OSBPL1A: variants seen among roughly 807,000 people sequenced by gnomAD.
The protein encoded by OSBPL1A is oxysterol binding protein like 1A.
A neutral mutation model predicts 137.1 loss-of-function variants in OSBPL1A; 80 were observed. The ratio of observed to expected loss-of-function variants is 0.58; its 90% CI spans 0.49 to 0.70. The LOEUF (loss-of-function observed/expected upper bound fraction) is 0.70. Ranked by LOEUF, OSBPL1A falls within the 30% of genes least tolerant of loss-of-function variation. The pLI is 0.00. For missense variants in OSBPL1A, 970 were observed against 1,129.4 expected, an observed-to-expected ratio of 0.86 and a Z score of 2.02; for synonymous variants, 365 against 389.7, an observed-to-expected ratio of 0.94 and a Z score of 0.75.
intron 16 of OSBPL1A, among the ~76,000 whole-genome samples, chr18:24,237,315 T>C (rs2088515971): frequency 6.6e-6 from 1 of 152,180 alleles, no homozygotes; most frequent in African/African-American, 2.4e-5. Flanking sequence ...AGGTTTTTTT[T>C]TGTTTGAGAC....
At chr18:24,325,761 G>T (rs117028332) in intron 7 of OSBPL1A, among the ~76,000 whole-genome samples, 1 of 152,192 alleles carries the variant, frequency 6.6e-6, no homozygotes, top group Non-Finnish European at 1.5e-5. Flanking sequence ...CAGTGGAGGC[G>T]CAGCATTGCT....
At chr18:24,394,541 T>C (rs1023908942) in intron 1 of OSBPL1A, among the ~76,000 whole-genome samples, 4 of 152,190 alleles carry the variant, frequency 2.6e-5, no homozygotes, top group African/African-American at 9.6e-5. Context: ...ACCCTACAAA[T>C]TTAACAAATC....
At chr18:24,299,838 C>T (rs138670965) in intron 14 of OSBPL1A, among the ~76,000 whole-genome samples, 59 of 152,252 alleles carry the variant, frequency 3.9e-4, no homozygotes, top group South Asian at 3.5e-3. Context: ...ATATCTTTTT[C>T]GGCAATTTAA....
rs565493586 is a variant in OSBPL1A, at chr18:24,202,396, T to C, written c.1602-6196A>G. Among the ~76,000 whole-genome samples the C allele has an allele frequency of 3.3e-5, 5 of 152,366 alleles. No homozygotes were observed. The East Asian group carries it at 9.6e-4, about 29-fold the overall frequency. ...TTGTTATTTTTATAAAGTACAAACA[T>C]ACTAAGATAAAAACACTCATTGTCA... On this transcript the variant is annotated intron_variant, in intron 17 of 27. Coordinates refer to ENST00000319481, the MANE Select transcript of OSBPL1A (RefSeq NM_080597.4).
Position 24,271,197 on chromosome 18 carries a change from G to A in OSBPL1A, c.1281+9645C>T, listed in dbSNP as rs1217837818. ...GGAATTTCAGCGGCCTCTGAAGAGC[G>A]GATGGTAAGTTCATCTCAATGTCAG... On this transcript the variant is annotated intron_variant, in intron 15 of 27. Coordinates refer to ENST00000319481, the MANE Select transcript of OSBPL1A (RefSeq NM_080597.4). This position sits in a 1 kb window ranked among gnomAD's most constrained non-coding sequence, Gnocchi z 4.0. 6.6e-6 allele frequency among the ~76,000 whole-genome samples: 1 copy of A among 152,186 alleles called. No individual in the cohort carries two copies. The highest frequency in any genetic ancestry group is 6.6e-5 in the Admixed American group (1 of 15,266).
chr18:24,170,368 T>C lies in OSBPL1A; in HGVS notation c.2377A>G (p.Asn793Asp), dbSNP rs1325909992. Residue 793 changes from asparagine (N) to aspartate (D), a missense_variant, in exon 24 of 28, where the codon AAT (asparagine) becomes GAT (aspartate). By Grantham distance (23) the Asn-to-Asp change is conservative (BLOSUM62 1). This residue lies in a region of OSBPL1A where 323 missense variants were observed against 456.8 expected (regional missense o/e 0.71). Coordinates refer to ENST00000319481, the MANE Select transcript of OSBPL1A (RefSeq NM_080597.4). ...DPATFDAYKK[N>D]DKKNTEEKKN... is the part of the protein sequence containing the mutation. ...TTCTCTTCTGTATTTTTCTTATCAT[T>C]TTTTTTGTAAGCGTCAAACGTGGCA... 6.2e-7 allele frequency: 1 copy of C among 1,614,154 alleles called. No homozygotes were observed. The highest frequency in any genetic ancestry group is 8.5e-7 in the Non-Finnish European group (1 of 1,180,014).
Position 24,165,188 on chromosome 18 carries a change from ACT to A in OSBPL1A, c.2660-35_2660-34del, listed in dbSNP as rs774527497. On this transcript the variant is annotated intron_variant, in intron 26 of 27. Coordinates refer to ENST00000319481, the MANE Select transcript of OSBPL1A (RefSeq NM_080597.4). ...AAGAACATCAACACAAACCATTAAC[ACT>A]CTACACAGAGGATGCCAGGCACAGT... is the stretch of plus-strand genomic sequence containing the variant. 11 of 1,586,476 alleles carry A rather than the reference ACT, an allele frequency of 6.9e-6. No individual in the cohort carries two copies. In the South Asian group the frequency reaches 7.7e-5, roughly 11 times the overall value.
intron 5 of OSBPL1A, among the ~76,000 whole-genome samples, chr18:24,340,559 C>G (rs1480062782): frequency 1.3e-5 from 2 of 152,110 alleles, no homozygotes; most frequent in Non-Finnish European, 2.9e-5. Flanking sequence ...AATCCCAGCA[C>G]TTTGGGAGGC....
At chr18:24,386,670 G>T (rs1029068449) in intron 1 of OSBPL1A, among the ~76,000 whole-genome samples, 1 of 152,168 alleles carries the variant, frequency 6.6e-6, no homozygotes, top group African/African-American at 2.4e-5. Flanking sequence ...TAATAAAAAT[G>T]AAGTACAGGC....
rs1236364737 is a variant in OSBPL1A, at chr18:24,293,126, AAAG to A, written c.1174+10508_1174+10510del. 6.1e-3 allele frequency among the ~76,000 whole-genome samples: 354 copies of A among 57,824 alleles called. 4 individuals carry two copies. The highest frequency in any genetic ancestry group is 0.02 in the African/African-American group (242 of 12,108). 37.9% of individuals were successfully genotyped at this position (57,824 alleles called of 152,430 possible). A position where few individuals can be genotyped will look rare whatever the true frequency, so the allele number is the denominator to read the frequency against. ...TCTCAAAAAAAAAAAAAAAAAAAAA[AAAG>A]AAAAGAAAAGAAAAAATTAAAACGT... On this transcript the variant is annotated intron_variant, in intron 14 of 27. Coordinates refer to ENST00000319481, the MANE Select transcript of OSBPL1A (RefSeq NM_080597.4).
chr18:24,384,475 G>A (rs1046267880), intron 1 of OSBPL1A, among the ~76,000 whole-genome samples: 2 of 152,044 alleles, frequency 1.3e-5, no homozygotes, highest in African/African-American at 2.4e-5. Flanking sequence ...TTGGGAGGCT[G>A]AGGCACAAGA....
At chr18:24,220,665 A>G (rs1401323327) in intron 17 of OSBPL1A, among the ~76,000 whole-genome samples, 1 of 152,058 alleles carries the variant, frequency 6.6e-6, no homozygotes, top group Non-Finnish European at 1.5e-5. Context: ...ATTACCCCAA[A>G]TATTTCCTGA....
intron 15 of OSBPL1A, among the ~76,000 whole-genome samples, chr18:24,266,819 A>G (rs1262401062): frequency 6.6e-6 from 1 of 152,218 alleles, no homozygotes; most frequent in East Asian, 1.9e-4. Flanking sequence ...AAAAAATGCT[A>G]GAACTACGAA....
chr18:24,341,649 T>A lies in OSBPL1A; in HGVS notation c.292A>T (p.Met98Leu), dbSNP rs764913545. ...AAFTGRKELV[M>L]LLLEYNADTT... ...TCAGCATTATATTCTAAGAGAAGCA[T>A]TACCAACTCCTAAAAATCAGAGAAT... is the stretch of plus-strand genomic sequence containing the variant. The change falls in exon 5 of 28, where the codon ATG becomes TTG. Residue 98 changes from methionine to leucine, a missense_variant. This residue lies in a region of OSBPL1A where 647 missense variants were observed against 672.6 expected (regional missense o/e 0.96). Coordinates refer to ENST00000319481, the MANE Select transcript of OSBPL1A (RefSeq NM_080597.4). 1 of 1,594,110 alleles carries A rather than the reference T, an allele frequency of 6.3e-7. No homozygotes were observed. Among genetic ancestry groups the A allele is most frequent in the Non-Finnish European group, 8.6e-7 (1 of 1,168,128 alleles).
chr18:24,321,749 C>A (rs1333533923), intron 7 of OSBPL1A: 1 of 484,224 alleles, frequency 2.1e-6, no homozygotes. Context: ...AAAAGAAAAA[C>A]AAATAAATTT....
chr18:24,374,853 G>A (rs539149245), intron 2 of OSBPL1A, among the ~76,000 whole-genome samples: 2 of 152,126 alleles, frequency 1.3e-5, no homozygotes, highest in East Asian at 3.9e-4. Flanking sequence ...AATGCTTAAG[G>A]AGCACCAGGA....
At chr18:24,310,481 A>AG (rs397770446) in intron 13 of OSBPL1A, among the ~76,000 whole-genome samples, 386 of 85,284 alleles carry the variant, frequency 4.5e-3, no homozygotes, top group African/African-American at 0.021. Flanking sequence ...AGGCGCCTGT[A>AG]GTCCCAGCTA....
chr18:24,383,703 G>C (rs986469163), intron 1 of OSBPL1A, among the ~76,000 whole-genome samples: 1 of 152,212 alleles, frequency 6.6e-6, no homozygotes, highest in Non-Finnish European at 1.5e-5. Flanking sequence ...GCAATGAGCT[G>C]AGATCGTGCC....
chr18:24,324,812 G>T (rs1276058107), intron 7 of OSBPL1A, among the ~76,000 whole-genome samples: 2 of 145,950 alleles, frequency 1.4e-5, no homozygotes, highest in East Asian at 4.1e-4. Flanking sequence ...AAGAGGCCAG[G>T]TGCAGTGGCT....
Sources: gnomAD v4.1 joint callset for allele counts (sites outside exome capture counted in the v4.1 genomes callset) on GRCh38, gnomAD v4.1.1 for gene constraint, gnomAD v4.1.1 regional missense constraint, Gnocchi (gnomAD v3.1) non-coding constraint, MANE v1.5 for transcripts, NCBI Gene and HGNC (gene_info 2026-07-23, HGNC 2026-07-21) for gene names.